The following SLC35F1 variants were observed in gnomAD, a reference collection of about 807,000 sequenced individuals.
SLC35F1 encodes solute carrier family 35 member F1, also known as chromosome 6 open reading frame 169.
Under a neutral mutation model 48.7 loss-of-function variants are expected in SLC35F1, and 14 were observed. The ratio of observed to expected loss-of-function variants is 0.29; its 90% CI spans 0.19 to 0.45. The LOEUF is 0.45. Ranked by LOEUF, SLC35F1 falls within the 20% of genes least tolerant of loss-of-function variation. SLC35F1 has a pLI of 1.00. For missense variants in SLC35F1, 404 were observed against 500.0 expected (o/e 0.81, Z 1.83); for synonymous variants, 190 against 202.2 (o/e 0.94, Z 0.51).
Position 118,314,507 on chromosome 6 carries a change from A to G in SLC35F1, c.*255A>G. 2.1e-6 allele frequency: 1 copy of G among 482,902 alleles called. No homozygotes were observed. The allele number at this position is 482,902 out of a possible 1,614,324, so 29.9% of individuals were successfully genotyped here. ...AACTCCCCTGCATTCATTACTGTGA[A>G]AATTTTTGAATCAAAAGCAAGTATT... On this transcript the variant is annotated 3_prime_UTR_variant, in exon 8 of 8. Transcript: ENST00000360388.
chr6:118,068,206 A>C (rs974689294), intron 1 of SLC35F1, among the ~76,000 whole-genome samples: 1 of 152,002 alleles, frequency 6.6e-6, no homozygotes, highest in Non-Finnish European at 1.5e-5. Context: ...CAGTCCCCAG[A>C]CTCACCAATC....
At chr6:118,080,307 G>A (rs4245498) in intron 1 of SLC35F1, among the ~76,000 whole-genome samples, 3,909 of 152,260 alleles carry the variant, frequency 0.026, 312 homozygotes, top group East Asian at 0.18. Flanking sequence ...TCCCACTACT[G>A]CAGCTCTGAT....
chr6:118,099,758 T>C (rs1279828391), intron 1 of SLC35F1, among the ~76,000 whole-genome samples: 1 of 152,140 alleles, frequency 6.6e-6, no homozygotes, highest in Admixed American at 6.6e-5. Flanking sequence ...GCATCCTGCA[T>C]TGGGAGAAAA....
At chr6:118,196,872 G>A (rs1001799173) in intron 2 of SLC35F1, among the ~76,000 whole-genome samples, 3 of 151,752 alleles carry the variant, frequency 2.0e-5, no homozygotes, top group African/African-American at 7.3e-5. Context: ...TTTGTACATA[G>A]CCTAACATAA....
chr6:117,930,024 A>T (rs1450419749), intron 1 of SLC35F1, among the ~76,000 whole-genome samples: 7 of 152,176 alleles, frequency 4.6e-5, no homozygotes, highest in Non-Finnish European at 1.5e-5. Flanking sequence ...CATCTGCTAA[A>T]TTGCCCAAAG....
At chr6:118,196,210 T>A (rs1378615254) in intron 2 of SLC35F1, among the ~76,000 whole-genome samples, 2 of 152,226 alleles carry the variant, frequency 1.3e-5, no homozygotes, top group Non-Finnish European at 1.5e-5. Context: ...GGTTGAAGTA[T>A]TGCTGCTGGG....
In SLC35F1 at chr6:118,285,348, G is replaced by C; in HGVS notation, c.1002+10G>C. On this transcript the variant is annotated intron_variant, in intron 7 of 7. Coordinates refer to ENST00000360388, the MANE Select transcript of SLC35F1 (RefSeq NM_001029858.4). The stretch of plus-strand genomic sequence containing the variant: ...TCTCTTCCACTACAAGGTAAGTTGA[G>C]TGAGTGCTCCTTTGTGAAGATGATA... The C allele has an allele frequency of 6.2e-7, 1 of 1,613,734 alleles. No individual in the cohort carries two copies. The highest frequency in any genetic ancestry group is 8.5e-7 in the Non-Finnish European group (1 of 1,179,692).
At chr6:117,981,799 C>T (rs1191327649) in intron 1 of SLC35F1, among the ~76,000 whole-genome samples, 1 of 152,068 alleles carries the variant, frequency 6.6e-6, no homozygotes, top group Non-Finnish European at 1.5e-5. Context: ...ATATTCATAC[C>T]ACAACCTACA....
intron 1 of SLC35F1, among the ~76,000 whole-genome samples, chr6:118,082,803 A>G (rs2114324309): frequency 6.6e-6 from 1 of 152,262 alleles, no homozygotes. Flanking sequence ...ATCCAAAGAA[A>G]TGGGTCCCTA....
At chr6:118,300,388 G>A (rs1172236056) in intron 7 of SLC35F1, among the ~76,000 whole-genome samples, 2 of 152,172 alleles carry the variant, frequency 1.3e-5, no homozygotes, top group Admixed American at 6.5e-5. Flanking sequence ...ATTCCCCATG[G>A]ATACTGAGTG....
chr6:118,169,255 T>A (rs939771888), intron 2 of SLC35F1, among the ~76,000 whole-genome samples: 6 of 152,168 alleles, frequency 3.9e-5, no homozygotes, highest in African/African-American at 1.4e-4. Context: ...GTCCTATTAA[T>A]CTTATACCAA....
chr6:118,246,556 T>C (rs781716741), intron 3 of SLC35F1, among the ~76,000 whole-genome samples: 2 of 152,102 alleles, frequency 1.3e-5, no homozygotes, highest in Non-Finnish European at 2.9e-5. Flanking sequence ...TCTGTAAACC[T>C]AAGTTTTACT....
At chr6:117,942,331 A>G (rs1200245866) in intron 1 of SLC35F1, among the ~76,000 whole-genome samples, 1 of 152,158 alleles carries the variant, frequency 6.6e-6, no homozygotes, top group Non-Finnish European at 1.5e-5. Flanking sequence ...AAGGGGGAGA[A>G]GAGTTTTTTG....
At chr6:118,014,902 G>A (rs1007775278) in intron 1 of SLC35F1, among the ~76,000 whole-genome samples, 1 of 152,118 alleles carries the variant, frequency 6.6e-6, no homozygotes, top group Non-Finnish European at 1.5e-5. Flanking sequence ...TTAGTGATAT[G>A]GTTTGGCTGT....
intron 1 of SLC35F1, among the ~76,000 whole-genome samples, chr6:118,034,390 T>A (rs796592884): frequency 1.7e-4 from 26 of 151,996 alleles, no homozygotes; most frequent in African/African-American, 6.3e-4. Flanking sequence ...AAATCCCGTC[T>A]CTACTGAAAA....
chr6:117,978,552 T>C (rs779680720), intron 1 of SLC35F1, among the ~76,000 whole-genome samples: 1 of 152,160 alleles, frequency 6.6e-6, no homozygotes, highest in Non-Finnish European at 1.5e-5. Flanking sequence ...AAACTTTACT[T>C]TTCCCTTCAC....
chr6:117,928,490 T>C (rs1395577430), intron 1 of SLC35F1, among the ~76,000 whole-genome samples: 1 of 152,162 alleles, frequency 6.6e-6, no homozygotes, highest in Non-Finnish European at 1.5e-5. Context: ...ACAACGTAAC[T>C]TAATGCCTTG....
chr6:118,172,630 C>G (rs1774423467), intron 2 of SLC35F1, among the ~76,000 whole-genome samples: 1 of 151,992 alleles, frequency 6.6e-6, no homozygotes, highest in Admixed American at 6.6e-5. Context: ...AGCAGGCTAC[C>G]TTAAGGAAAT....
chr6:118,307,464 TA>T (rs1259158479), intron 7 of SLC35F1, among the ~76,000 whole-genome samples: 1 of 149,766 alleles, frequency 6.7e-6, no homozygotes, highest in Admixed American at 6.6e-5. Flanking sequence ...GAAAAGGAAA[TA>T]AGGAAAAAAA....
Sources: gnomAD v4.1 joint callset for allele counts (sites outside exome capture counted in the v4.1 genomes callset) on GRCh38, gnomAD v4.1.1 for gene constraint, MANE v1.5 for transcripts, NCBI Gene and HGNC (gene_info 2026-07-23, HGNC 2026-07-21) for gene names.